The following PRKG1 variants were observed in gnomAD, a reference collection of about 807,000 sequenced individuals.
The protein encoded by PRKG1 is protein kinase cGMP-dependent 1, also known as cGMP-dependent protein kinase 1.
A neutral mutation model predicts 88.1 loss-of-function variants in PRKG1; 35 were observed. That is an observed-to-expected ratio of 0.40 (90% CI 0.30 to 0.53). The LOEUF (loss-of-function observed/expected upper bound fraction) is 0.53, where lower values mean the gene tolerates loss of function less well. PRKG1 is among the 20% of genes least tolerant of loss of function. The pLI is 0.59. For synonymous variants in PRKG1, 303 were observed against 292.5 expected (o/e 1.04, Z -0.37); for missense variants, 540 against 839.8 (o/e 0.64, Z 4.41).
At chr10:51,924,168 C>T (rs1842522846) in intron 5 of PRKG1, among the ~76,000 whole-genome samples, 1 of 152,022 alleles carries the variant, frequency 6.6e-6, no homozygotes, top group Admixed American at 6.6e-5. Flanking sequence ...AGTTTCTGAC[C>T]TTTATCATTT....
At chr10:51,454,204 A>G (rs1839516575) in intron 2 of PRKG1, among the ~76,000 whole-genome samples, 1 of 152,070 alleles carries the variant, frequency 6.6e-6, no homozygotes, top group South Asian at 2.1e-4. Flanking sequence ...AATTCCCATC[A>G]AAATACCATC....
chr10:51,947,513 C>G (rs532577912), intron 5 of PRKG1, among the ~76,000 whole-genome samples: 12 of 149,324 alleles, frequency 8.0e-5, no homozygotes, highest in African/African-American at 2.4e-4. Flanking sequence ...GAGATGAACC[C>G]GGTACCTCAG....
At chr10:52,257,747 A>G (rs1266495611) in intron 10 of PRKG1, among the ~76,000 whole-genome samples, 1 of 139,728 alleles carries the variant, frequency 7.2e-6, no homozygotes, top group African/African-American at 2.5e-5. Flanking sequence ...ATTCTTCAAA[A>G]GAATAAAAAC....
intron 3 of PRKG1, among the ~76,000 whole-genome samples, chr10:51,658,075 A>G (rs1440049585): frequency 2.6e-5 from 4 of 152,194 alleles, no homozygotes; most frequent in African/African-American, 9.6e-5. Context: ...GAACTGGATT[A>G]AAAAGAAACA....
At chr10:51,376,183 A>T (rs1842813334) in intron 2 of PRKG1, among the ~76,000 whole-genome samples, 1 of 152,226 alleles carries the variant, frequency 6.6e-6, no homozygotes, top group South Asian at 2.1e-4. Context: ...ATGGACCAAT[A>T]AAAGCAGTTG....
At chr10:51,817,611 TG>T (rs1271576052) in intron 4 of PRKG1, among the ~76,000 whole-genome samples, 1 of 152,184 alleles carries the variant, frequency 6.6e-6, no homozygotes, top group African/African-American at 2.4e-5. Context: ...GATGAGCATT[TG>T]GGTTGGTTCC....
At chr10:52,069,255 G>T (rs1846433237) in intron 7 of PRKG1, among the ~76,000 whole-genome samples, 1 of 151,996 alleles carries the variant, frequency 6.6e-6, no homozygotes, top group East Asian at 1.9e-4. Context: ...ATTTTGCTGG[G>T]CATGGTGGCT....
At chr10:51,172,498 A>G (rs1189459324) in intron 2 of PRKG1, among the ~76,000 whole-genome samples, 2 of 152,090 alleles carry the variant, frequency 1.3e-5, no homozygotes, top group African/African-American at 4.8e-5. Context: ...TGTGCTATCA[A>G]TATGAAAGGA....
intron 4 of PRKG1, among the ~76,000 whole-genome samples, chr10:51,822,165 A>G (rs1364224578): frequency 6.6e-6 from 1 of 151,968 alleles, no homozygotes. Context: ...GTATATATAC[A>G]TATGTCATTT....
intron 10 of PRKG1, among the ~76,000 whole-genome samples, chr10:52,264,328 G>T (rs1015414514): frequency 6.6e-6 from 1 of 151,944 alleles, no homozygotes. Context: ...CCTTTGGCCC[G>T]GTTAATCTAA....
chr10:52,060,664 CAATATAATAT>C (rs765519159), intron 6 of PRKG1, among the ~76,000 whole-genome samples: 2 of 151,638 alleles, frequency 1.3e-5, no homozygotes, highest in South Asian at 4.2e-4. Context: ...GTATTGATAA[CAATATAATAT>C]AATATAATAT....
intron 3 of PRKG1, among the ~76,000 whole-genome samples, chr10:51,765,840 T>TA (rs1838146252): frequency 7.3e-6 from 1 of 137,534 alleles, no homozygotes; most frequent in Non-Finnish European, 1.6e-5. Flanking sequence ...TTTTTTTTTT[T>TA]ACTTTATTAG....
At position 51,415,562 on chromosome 10, in the gene PRKG1, G is replaced by A. The variant is rs553476389; in HGVS notation, c.479-52161G>A. On this transcript the variant is annotated intron_variant, in intron 2 of 17. Coordinates refer to ENST00000373980, the MANE Select transcript of PRKG1 (RefSeq NM_006258.4). The stretch of plus-strand genomic sequence containing the variant: ...AGGTGAAAGGGCTCTCTACAGACAG[G>A]ACTTGTAATTATTTTATAAGATTGC... Among the ~76,000 whole-genome samples the A allele has an allele frequency of 4.6e-5, 7 of 152,226 alleles. No homozygotes were observed. In the South Asian group the frequency reaches 1.2e-3, roughly 27 times the overall value.
intron 3 of PRKG1, among the ~76,000 whole-genome samples, chr10:51,602,245 T>C (rs929915403): frequency 1.3e-5 from 2 of 152,176 alleles, no homozygotes; most frequent in African/African-American, 4.8e-5. Context: ...TCTAAACTGG[T>C]AAATGGAACT....
intron 2 of PRKG1, among the ~76,000 whole-genome samples, chr10:51,172,335 T>G (rs940806537): frequency 2.6e-5 from 4 of 152,080 alleles, no homozygotes; most frequent in Admixed American, 6.6e-5. Context: ...GCATAAGCTA[T>G]ATAACATTTA....
chr10:51,694,641 A>G (rs1480342867), intron 3 of PRKG1, among the ~76,000 whole-genome samples: 3 of 152,330 alleles, frequency 2.0e-5, no homozygotes, highest in Non-Finnish European at 1.5e-5. Context: ...AGCCTTAAAG[A>G]AGCATTAGCA....
At chr10:52,282,025 G>T in intron 13 of PRKG1, 128 bp from the exon 14 acceptor site, 1 of 1,003,466 alleles carries the variant, frequency 1.0e-6, no homozygotes, top group Non-Finnish European at 1.4e-6. Flanking sequence ...TATTCTTTTT[G>T]GAAGACAGAA....
intron 7 of PRKG1, among the ~76,000 whole-genome samples, chr10:52,086,166 T>C (rs576251428): frequency 6.6e-6 from 1 of 152,180 alleles, no homozygotes; most frequent in Non-Finnish European, 1.5e-5. Flanking sequence ...CAAAAAAAAG[T>C]TTACTCAGAG....
At position 52,271,266 on chromosome 10, in the gene PRKG1, G is replaced by T. The variant is rs10454466; in HGVS notation, c.1174-84G>T. The stretch of plus-strand genomic sequence containing the variant: ...AGGTGGCTGAGGTTCATTTAAGTGC[G>T]CCATGTACCTGTTAATTTGGGGATA... On this transcript the variant is annotated intron_variant, in intron 10 of 17. Transcript: ENST00000373980. 4.2e-3 allele frequency: 5,887 copies of T among 1,414,830 alleles called. 196 individuals are homozygous for T. In the African/African-American group the frequency reaches 0.073, roughly 18 times the overall value. 87.6% of individuals were successfully genotyped at this position (1,414,830 alleles called of 1,614,324 possible).
Sources: allele counts gnomAD v4.1 joint callset (sites outside exome capture counted in the v4.1 genomes callset), GRCh38; gene constraint gnomAD v4.1.1; transcripts MANE v1.5; gene names NCBI Gene and HGNC (gene_info 2026-07-23, HGNC 2026-07-21).